The following IL1RAPL1 variants were observed in gnomAD, a reference collection of about 807,000 sequenced individuals.
The protein encoded by IL1RAPL1 is interleukin-1 receptor accessory protein-like 1.
A neutral mutation model predicts 48.4 loss-of-function variants in IL1RAPL1; 3 were observed. The ratio of observed to expected loss-of-function variants is 0.06; its 90% CI spans 0.03 to 0.16. IL1RAPL1 has a LOEUF of 0.16. Among genes scored for constraint, IL1RAPL1 ranks in the 10% least tolerant of loss-of-function variants. The pLI, the probability that IL1RAPL1 is intolerant of heterozygous loss-of-function variation, is 1.00. For missense variants in IL1RAPL1, 349 were observed against 530.6 expected, an observed-to-expected ratio of 0.66 and a Z score of 3.36; for synonymous variants, 185 against 187.7, an observed-to-expected ratio of 0.99 and a Z score of 0.12.
At chrX:29,462,039 G>A (rs1934808863) in intron 5 of IL1RAPL1, among the ~76,000 whole-genome samples, 1 of 112,054 alleles carries the variant, frequency 8.9e-6, no homozygotes, top group African/African-American at 3.2e-5. Context: ...TGAAAGCATA[G>A]AATACTGTTA....
intron 6 of IL1RAPL1, among the ~76,000 whole-genome samples, chrX:29,720,771 AAAAC>A (rs774558396): frequency 6.4e-4 from 72 of 112,325 alleles, no homozygotes; most frequent in South Asian, 1.1e-3. Context: ...ATAAATTAAA[AAAAC>A]AAACAAACAG....
intron 2 of IL1RAPL1, among the ~76,000 whole-genome samples, chrX:29,266,270 T>A (rs1228394040): frequency 1.8e-5 from 2 of 112,460 alleles, no homozygotes; most frequent in Non-Finnish European, 3.8e-5. Context: ...AATCATGGAA[T>A]CTTTAAAAAA....
chrX:29,174,275 A>G (rs1929965612), intron 2 of IL1RAPL1, among the ~76,000 whole-genome samples: 1 of 111,862 alleles, frequency 8.9e-6, no homozygotes, highest in Admixed American at 9.5e-5. Context: ...GATGATTTGC[A>G]TGGAAGTAGG....
intron 2 of IL1RAPL1, among the ~76,000 whole-genome samples, chrX:29,105,381 T>C (rs1278533284): frequency 8.9e-6 from 1 of 112,023 alleles, no homozygotes; most frequent in Non-Finnish European, 1.9e-5. Flanking sequence ...AATGAAACTT[T>C]ACACAGATAA....
chrX:29,355,251 T>C (rs1933286358), intron 3 of IL1RAPL1, among the ~76,000 whole-genome samples: 1 of 111,571 alleles, frequency 9.0e-6, no homozygotes, highest in Non-Finnish European at 1.9e-5. Flanking sequence ...AAATAATCCT[T>C]ATACTGAAGA....
chrX:28,637,684 CAA>C (rs767422547), intron 1 of IL1RAPL1, among the ~76,000 whole-genome samples: 32 of 112,119 alleles, frequency 2.9e-4, no homozygotes, highest in East Asian at 1.7e-3. Context: ...GGAAAAAAGA[CAA>C]AGACTAGGCT....
chrX:29,782,888 A>ATTTTTTTTTTTTTTTTTTTTTTTTT (rs780831874), intron 6 of IL1RAPL1, among the ~76,000 whole-genome samples: 1 of 31,071 alleles, frequency 3.2e-5, no homozygotes, highest in African/African-American at 1.3e-4. Context: ...TGATCGTGAC[A>ATTTTTTTTTTTTTTTTTTTTTTTTT]TTTTTTTTTT....
chrX:28,905,165 A>G (rs766970813), intron 2 of IL1RAPL1, among the ~76,000 whole-genome samples: 1 of 111,665 alleles, frequency 9.0e-6, no homozygotes, highest in African/African-American at 3.2e-5. Context: ...GTAACAAAGT[A>G]TCATTTTCTA....
At chrX:28,670,263 A>G (rs181680716) in intron 1 of IL1RAPL1, among the ~76,000 whole-genome samples, 30 of 111,748 alleles carry the variant, frequency 2.7e-4, no homozygotes, top group African/African-American at 9.1e-4. Flanking sequence ...GGATCAATAC[A>G]TACTTTTGCT....
intron 5 of IL1RAPL1, among the ~76,000 whole-genome samples, chrX:29,436,068 C>A (rs2147715641): frequency 9.2e-6 from 1 of 109,146 alleles, no homozygotes; most frequent in Non-Finnish European, 1.9e-5. Context: ...TCTAAAAATT[C>A]CATTAAGTCC....
intron 2 of IL1RAPL1, among the ~76,000 whole-genome samples, chrX:29,006,733 G>A (rs1354142746): frequency 9.5e-6 from 1 of 104,938 alleles, no homozygotes; most frequent in African/African-American, 3.5e-5. Context: ...CAAGTATGCT[G>A]TTTGTTTCCT....
chrX:29,117,543 C>A (rs1410158475), intron 2 of IL1RAPL1, among the ~76,000 whole-genome samples: 2 of 111,902 alleles, frequency 1.8e-5, no homozygotes, highest in African/African-American at 3.2e-5. Flanking sequence ...AAATGTACAG[C>A]AAGTGTAGGA....
intron 2 of IL1RAPL1, among the ~76,000 whole-genome samples, chrX:28,865,600 T>G (rs1207859148): frequency 8.9e-6 from 1 of 111,993 alleles, no homozygotes; most frequent in Non-Finnish European, 1.9e-5. Context: ...ACTCGGTATG[T>G]AAATGGTATT....
At chrX:29,920,144 G>GA (rs750272193) in intron 8 of IL1RAPL1, 50 bp downstream of exon 8, 31 of 1,183,226 alleles carry the variant, frequency 2.6e-5, no homozygotes, top group East Asian at 5.9e-5. Context: ...TATGATGGGA[G>GA]AAAAAATCAT....
At chrX:29,430,591 ATATGTGTGTG>A (rs1399167359) in intron 5 of IL1RAPL1, among the ~76,000 whole-genome samples, 1 of 106,781 alleles carries the variant, frequency 9.4e-6, no homozygotes, top group African/African-American at 3.4e-5. Flanking sequence ...GTATATATAT[ATATGTGTGTG>A]TGTGTGTGTG....
At chrX:29,553,018 C>T (rs904549824) in intron 5 of IL1RAPL1, among the ~76,000 whole-genome samples, 1 of 110,160 alleles carries the variant, frequency 9.1e-6, no homozygotes, top group Non-Finnish European at 1.9e-5. Flanking sequence ...TTGAATCTTG[C>T]CTACTTTTTC....
At chrX:28,936,579 ATATG>A (rs946509289) in intron 2 of IL1RAPL1, among the ~76,000 whole-genome samples, 4 of 110,499 alleles carry the variant, frequency 3.6e-5, no homozygotes, top group Admixed American at 1.9e-4. Flanking sequence ...GTGTATATAT[ATATG>A]TATGTATGTA....
chrX:29,837,300 TAC>T (rs144007476), intron 6 of IL1RAPL1, among the ~76,000 whole-genome samples: 13,814 of 54,645 alleles, frequency 0.25, 1,583 homozygotes, highest in African/African-American at 0.29. Context: ...TATATATATA[TAC>T]ACACACACAC....
At chrX:29,348,392 GA>G (rs1933180001) in intron 3 of IL1RAPL1, among the ~76,000 whole-genome samples, 1 of 112,180 alleles carries the variant, frequency 8.9e-6, no homozygotes, top group Admixed American at 9.5e-5. Context: ...TAATTGTAGT[GA>G]GAAAGAAAAT....
Sources: gnomAD v4.1 joint callset for allele counts (sites outside exome capture counted in the v4.1 genomes callset) on GRCh38, gnomAD v4.1.1 for gene constraint, MANE v1.5 for transcripts, NCBI Gene and HGNC (gene_info 2026-07-23, HGNC 2026-07-21) for gene names.